The following TTC3 variants were observed in gnomAD, a reference collection of about 807,000 sequenced individuals.
TTC3 encodes tetratricopeptide repeat domain 3, also known as E3 ubiquitin-protein ligase TTC3.
Under a neutral mutation model 249.6 loss-of-function variants are expected in TTC3, and 180 were observed. That is an observed-to-expected ratio of 0.72 (90% CI 0.64 to 0.82). The LOEUF (loss-of-function observed/expected upper bound fraction) is 0.82, where lower values mean the gene tolerates loss of function less well. Among genes scored for constraint, TTC3 ranks in the 40% least tolerant of loss-of-function variants. TTC3 has a pLI of 0.00. For missense variants in TTC3, 2,061 were observed against 2,398.4 expected, an observed-to-expected ratio of 0.86 and a Z score of 2.94; for synonymous variants, 717 against 805.0, an observed-to-expected ratio of 0.89 and a Z score of 1.85.
chr21:37,200,798 G>C lies in TTC3; in HGVS notation c.5943+474G>C, dbSNP rs115920752. The stretch of plus-strand genomic sequence containing the variant: ...TGTGTGAACTATCATGGTGTTCTAG[G>C]TACCGTGAGCATTTGTGTGCACCCC... On this transcript the variant is annotated intron_variant, in intron 45 of 45. Transcript: ENST00000355666. Among the ~76,000 whole-genome samples the C allele has an allele frequency of 9.3e-3, 1,416 of 152,272 alleles. 24 individuals carry two copies. Among genetic ancestry groups the C allele is most frequent in the African/African-American group, 0.033 (1,357 of 41,530 alleles).
rs778274354 is a variant in TTC3 at position 37,162,076 on chromosome 21, T to C, written c.3170+13T>C. 6.7e-7 allele frequency: 1 copy of C among 1,500,858 alleles called. No individual in the cohort carries two copies. Among genetic ancestry groups the C allele is most frequent in the South Asian group, 1.4e-5 (1 of 72,952 alleles). 93.0% of individuals were successfully genotyped at this position (1,500,858 alleles called of 1,614,324 possible). A position where few individuals can be genotyped will look rare whatever the true frequency, so the allele number is the denominator to read the frequency against. On this transcript the variant is annotated intron_variant, in intron 31 of 45. Coordinates refer to ENST00000355666, the Ensembl canonical transcript of TTC3. Reference sequence around the variant, plus strand: ...GTGAAGACCATAGGTAAGTATAATTTTTAAATTTTTGCTTCATTTTAACTC... The same window carrying C: ...GTGAAGACCATAGGTAAGTATAATTCTTAAATTTTTGCTTCATTTTAACTC...
At chr21:37,157,527 G>A (rs761586818) in intron 28 of TTC3, among the ~76,000 whole-genome samples, 1 of 152,160 alleles carries the variant, frequency 6.6e-6, no homozygotes, top group East Asian at 1.9e-4. Context: ...AACTCAATAC[G>A]GGAGGGCCAG....
At position 37,094,710 on chromosome 21, in the gene TTC3, A is replaced by G. The variant is rs150517851; in HGVS notation, c.687+620A>G. On this transcript the variant is annotated intron_variant, in intron 8 of 45. Transcript: ENST00000355666. ...TATTTTTTAGCCTTATAGATAAGGT[A>G]TATTTAAAAGTGGGTCTGCCAAATA... Among the ~76,000 whole-genome samples the G allele has an allele frequency of 1.1e-4, 16 of 152,348 alleles. No individual in the cohort carries two copies. In the East Asian group the frequency reaches 2.3e-3, roughly 22 times the overall value.
At chr21:37,099,432 C>T (rs994060373) in intron 10 of TTC3, among the ~76,000 whole-genome samples, 2 of 152,092 alleles carry the variant, frequency 1.3e-5, no homozygotes, top group African/African-American at 4.8e-5. Context: ...GAATTTGAAC[C>T]CAGGCAGCCT....
At chr21:37,166,277 C>G in exon 33 of TTC3, 1 of 1,614,178 alleles carries the variant, frequency 6.2e-7, no homozygotes, top group South Asian at 1.1e-5. Context: ...CTTGGCCAGC[C>G]TTTCTCCTGA....
At chr21:37,114,530 C>CTTTTTTTTT (rs1244923972) in intron 11 of TTC3, among the ~76,000 whole-genome samples, 1 of 152,152 alleles carries the variant, frequency 6.6e-6, no homozygotes, top group African/African-American at 2.4e-5. Flanking sequence ...AGTCAAGAAA[C>CTTTTTTTTT]AACAGGTGCT....
At chr21:37,138,669 C>T (rs757776771) in exon 19 of TTC3, 12 of 1,612,116 alleles carry the variant, frequency 7.4e-6, no homozygotes, top group African/African-American at 2.7e-5. Context: ...ATGTTTTGGT[C>T]GTCTATGGAC....
intron 11 of TTC3, among the ~76,000 whole-genome samples, chr21:37,114,072 A>G (rs1383316392): frequency 6.6e-6 from 1 of 152,236 alleles, no homozygotes; most frequent in Non-Finnish European, 1.5e-5. Flanking sequence ...TTTGACTTAA[A>G]ACCATAAAAA....
chr21:37,090,465 C>T, intron 6 of TTC3, 179 bp downstream of exon 6: 1 of 636,262 alleles, frequency 1.6e-6, no homozygotes, highest in Non-Finnish European at 1.9e-6. Flanking sequence ...ATCATTTTCT[C>T]TCTTTTTTTT....
chr21:37,160,355 G>C (rs534931536), intron 29 of TTC3, among the ~76,000 whole-genome samples: 15 of 152,188 alleles, frequency 9.9e-5, no homozygotes, highest in Non-Finnish European at 1.6e-4. Flanking sequence ...ATATTGCCCA[G>C]CTAAGCAGGG....
chr21:37,200,144 G>C, intron 44 of TTC3, 88 bp from the exon 45 acceptor site: 4 of 1,210,726 alleles, frequency 3.3e-6, no homozygotes, highest in African/African-American at 3.0e-5. Flanking sequence ...TGTGGCAGAA[G>C]ATGTTTGAAG....
chr21:37,162,569 T>C (rs979654114), intron 31 of TTC3, among the ~76,000 whole-genome samples: 5 of 152,206 alleles, frequency 3.3e-5, no homozygotes, highest in Non-Finnish European at 2.9e-5. Flanking sequence ...TGAGTAGCAG[T>C]AACCTTTTTA....
chr21:37,149,587 C>T (rs1301575004), intron 23 of TTC3, among the ~76,000 whole-genome samples: 2 of 152,214 alleles, frequency 1.3e-5, no homozygotes, highest in African/African-American at 4.8e-5. Flanking sequence ...TGAAGTGATG[C>T]AACCCAAATA....
intron 17 of TTC3, among the ~76,000 whole-genome samples, chr21:37,134,448 CAA>C (rs79295622): frequency 7.0e-6 from 1 of 142,736 alleles, no homozygotes. Flanking sequence ...GACTCCATCT[CAA>C]AAAAAAAAAG....
chr21:37,102,815 G>T (rs2074645079), intron 10 of TTC3, among the ~76,000 whole-genome samples: 1 of 152,134 alleles, frequency 6.6e-6, no homozygotes, highest in South Asian at 2.1e-4. Flanking sequence ...TGGTCAACAT[G>T]GTGAAACCCT....
chr21:37,152,078 T>C, intron 26 of TTC3, 49 bp downstream of exon 26: 1 of 1,471,418 alleles, frequency 6.8e-7, no homozygotes, highest in Non-Finnish European at 9.0e-7. Flanking sequence ...CTCATTTAAA[T>C]GTATAAATGT....
At chr21:37,076,916 G>A (rs529457395) in intron 1 of TTC3, among the ~76,000 whole-genome samples, 6 of 151,924 alleles carry the variant, frequency 3.9e-5, no homozygotes, top group South Asian at 2.1e-4. Context: ...GGCTAGGCAC[G>A]TCTTGAACTC....
intron 1 of TTC3, among the ~76,000 whole-genome samples, chr21:37,084,975 A>G (rs1325159210): frequency 6.6e-6 from 1 of 150,810 alleles, no homozygotes; most frequent in African/African-American, 2.4e-5. Context: ...CCTGGGCGAC[A>G]GAGTGAGACT....
chr21:37,166,830 A>G (rs2081294664), intron 33 of TTC3, among the ~76,000 whole-genome samples: 1 of 152,198 alleles, frequency 6.6e-6, no homozygotes, highest in African/African-American at 2.4e-5. Flanking sequence ...AACAATACCC[A>G]TCTTTGCTAC....
Sources: allele counts gnomAD v4.1 joint callset (sites outside exome capture counted in the v4.1 genomes callset), GRCh38; gene constraint gnomAD v4.1.1; transcripts MANE v1.5; gene names NCBI Gene and HGNC (gene_info 2026-07-23, HGNC 2026-07-21).